The following CACNA1B variants were observed in gnomAD, a reference collection of about 807,000 sequenced individuals.
CACNA1B encodes calcium voltage-gated channel subunit alpha1 B, also known as voltage-dependent N-type calcium channel subunit alpha-1B.
A neutral mutation model predicts 247.2 loss-of-function variants in CACNA1B; 70 were observed. That is an observed-to-expected ratio of 0.28 (90% CI 0.23 to 0.35). The LOEUF is 0.35. CACNA1B is among the 10% of genes least tolerant of loss of function. The pLI is 1.00. For synonymous variants in CACNA1B, 1,231 were observed against 1,294.4 expected (o/e 0.95, Z 1.05); for missense variants, 2,367 against 3,197.4 (o/e 0.74, Z 6.26).
At position 137,939,868 on chromosome 9, in the gene CACNA1B, G is replaced by A. The variant is rs184560003; in HGVS notation, c.967-12406G>A. On this transcript the variant is annotated intron_variant, in intron 6 of 46. Coordinates refer to ENST00000371372, the MANE Select transcript of CACNA1B (RefSeq NM_000718.4). Reference sequence around the variant, plus strand: ...TAAATAAAAAAAAATAAAATTCTTCGAACTGAATGACAGTAGTGACGCAAC... The same window carrying A: ...TAAATAAAAAAAAATAAAATTCTTCAAACTGAATGACAGTAGTGACGCAAC... 3.5e-4 allele frequency among the ~76,000 whole-genome samples: 53 copies of A among 150,958 alleles called. No individual in the cohort carries two copies. The East Asian group carries it at 8.7e-3, about 25-fold the overall frequency.
chr9:138,067,791 A>G (rs1959971674), intron 31 of CACNA1B, among the ~76,000 whole-genome samples: 1 of 152,204 alleles, frequency 6.6e-6, no homozygotes, highest in Non-Finnish European at 1.5e-5. Context: ...AAAGTTGGAC[A>G]TGTGCATACA....
intron 38 of CACNA1B, among the ~76,000 whole-genome samples, chr9:138,104,473 G>A (rs1031407686): frequency 1.3e-5 from 2 of 152,236 alleles, no homozygotes; most frequent in Non-Finnish European, 1.5e-5. Context: ...CCGGGAAGCC[G>A]TTTACTCCTG....
chr9:137,968,479 G>A lies in CACNA1B; in HGVS notation c.1334-2904G>A, dbSNP rs141954422. 4.9e-4 allele frequency among the ~76,000 whole-genome samples: 74 copies of A among 152,338 alleles called. 2 individuals are homozygous for A. In the East Asian group the frequency reaches 0.013, roughly 27 times the overall value. On this transcript the variant is annotated intron_variant, in intron 10 of 46. Coordinates refer to ENST00000371372, the MANE Select transcript of CACNA1B (RefSeq NM_000718.4). ...TTCAGTTGAGGAATCTCCAGGCTGC[G>A]TGATGTGCACGAGGGCCAGGGGTGA...
intron 18 of CACNA1B, among the ~76,000 whole-genome samples, chr9:138,019,888 AGG>A (rs951629194): frequency 1.3e-5 from 2 of 152,044 alleles, no homozygotes; most frequent in Non-Finnish European, 2.9e-5. Context: ...CCCTGAGCTC[AGG>A]AGTTCGAGAC....
Position 137,956,781 on chromosome 9 carries a change from G to A in CACNA1B, c.1197G>A (p.Met399Ile). 6.2e-7 allele frequency: 1 copy of A among 1,613,794 alleles called. No homozygotes were observed. Among genetic ancestry groups the A allele is most frequent in the South Asian group, 1.1e-5 (1 of 91,086 alleles). Reference protein sequence around the residue: ...LEWIFKAEEVMLAEEDRNAEE... With the variant: ...LEWIFKAEEVILAEEDRNAEE... ...GTGTTCCCCTCGCAGAGGAAGTCAT[G>A]CTGGCCGAGGAGGACAGGAATGCAG... The change falls in exon 9 of 47, where the codon ATG (methionine) becomes ATA (isoleucine). Residue 399 changes from methionine (M) to isoleucine (I), a missense_variant. Physicochemically the swap from Met to Ile is conservative, Grantham distance 10. This residue lies in a region of CACNA1B where 219 missense variants were observed against 297.6 expected (regional missense o/e 0.74). Coordinates refer to ENST00000371372, the MANE Select transcript of CACNA1B (RefSeq NM_000718.4).
rs143104101 is a variant in CACNA1B at position 138,087,157 on chromosome 9, G to A, written c.5094+8899G>A. The stretch of plus-strand genomic sequence containing the variant: ...TCCCAGCACTTTGGGAGGCTGAAGC[G>A]GGCAGATCATTTGAGGTCAGGAGTT... On this transcript the variant is annotated intron_variant, in intron 36 of 46. Transcript: ENST00000371372. 3.7e-4 allele frequency among the ~76,000 whole-genome samples: 55 copies of A among 150,482 alleles called. 8 individuals are homozygous for A. In the East Asian group the frequency reaches 0.011, roughly 29 times the overall value.
In CACNA1B at chr9:137,937,774, C is replaced by T. The variant is rs565561586; in HGVS notation, c.967-14500C>T. Among the ~76,000 whole-genome samples, 5 of 151,700 alleles carry T rather than the reference C, an allele frequency of 3.3e-5. No homozygotes were observed. The South Asian group carries it at 6.3e-4, about 19-fold the overall frequency. ...CAGCCTGACCAACATGGAGAAACCC[C>T]GTGTCTACTAAAAATAGAAAAAATT... is the stretch of plus-strand genomic sequence containing the variant. On this transcript the variant is annotated intron_variant, in intron 6 of 46. Transcript: ENST00000371372.
chr9:138,030,424 C>G (rs1029451014), intron 20 of CACNA1B, among the ~76,000 whole-genome samples: 11 of 152,008 alleles, frequency 7.2e-5, no homozygotes, highest in African/African-American at 2.7e-4. Context: ...TGGCCTTTAT[C>G]ATTATGAATA....
chr9:138,012,509 C>T lies in CACNA1B; in HGVS notation c.2161-620C>T, dbSNP rs148024015. On this transcript the variant is annotated intron_variant, in intron 17 of 46. Transcript: ENST00000371372. The surrounding 1 kb of genome is among the most constrained non-coding windows in gnomAD (Gnocchi z 4.2). ...CTGTACTCCCAGCACTTTGGGAGGC[C>T]GAGGTGGGAGGATCACTTGAGCCTA... 7.8e-4 allele frequency among the ~76,000 whole-genome samples: 118 copies of T among 151,782 alleles called. No individual in the cohort carries two copies. The highest frequency in any genetic ancestry group is 2.4e-3 in the African/African-American group (100 of 41,404).
rs557974779 is a variant in CACNA1B, at chr9:138,101,440, T to C, written c.5223-1271T>C. ...AGCTTTCTGGTTGGGATCAGCTAGC[T>C]GGGTGGGAGATGGGGGCTAGGTCCC... On this transcript the variant is annotated intron_variant, in intron 37 of 46. Transcript: ENST00000371372. 1.5e-3 allele frequency among the ~76,000 whole-genome samples: 226 copies of C among 152,314 alleles called. 1 individual carries two copies. Among genetic ancestry groups the C allele is most frequent in the Admixed American group, 3.1e-3 (48 of 15,312 alleles).
At chr9:137,884,722 A>C (rs1349850163) in intron 3 of CACNA1B, among the ~76,000 whole-genome samples, 2 of 151,950 alleles carry the variant, frequency 1.3e-5, no homozygotes, top group Non-Finnish European at 2.9e-5. Context: ...AGGTGGCAGC[A>C]CCCGGCCTCA....
intron 21 of CACNA1B, among the ~76,000 whole-genome samples, chr9:138,045,625 G>A (rs1959175906): frequency 6.6e-6 from 1 of 152,188 alleles, no homozygotes. Context: ...CAAAGCCTGG[G>A]GTGGCTGGGG....
chr9:137,883,029 A>C, intron 3 of CACNA1B, 146 bp downstream of exon 3: 1 of 838,424 alleles, frequency 1.2e-6, no homozygotes, highest in Non-Finnish European at 1.9e-6. Flanking sequence ...AATGTGAGAC[A>C]GTCTGTTTGC....
intron 20 of CACNA1B, 37 bp from the exon 21 acceptor site, chr9:138,043,737 A>G (rs755291716): frequency 1.2e-6 from 2 of 1,613,170 alleles, no homozygotes; most frequent in South Asian, 1.1e-5. Flanking sequence ...CTTCATGTGC[A>G]CTACACCCCT....
chr9:138,052,136 T>C lies in CACNA1B; in HGVS notation c.3755T>C (p.Val1252Ala), dbSNP rs202185152. ...KDINTIKSLR[V>A]LRVLRPLKTI... is the part of the protein sequence containing the mutation. ...ATCAATACCATCAAGTCTCTGAGAG[T>C]CCTTCGTGTCCTGCGGCCCCTCAAG... Residue 1252 changes from valine to alanine, a missense_variant, in exon 25 of 47, where the codon GTC (valine) becomes GCC (alanine). Around this residue, in one of 12 missense-constraint regions of CACNA1B, gnomAD observed 436 missense variants for 679.5 expected, o/e 0.64. Transcript: ENST00000371372. The surrounding 1 kb of genome is among the most constrained non-coding windows in gnomAD (Gnocchi z 5.1). 7 of 1,612,466 alleles carry C rather than the reference T, an allele frequency of 4.3e-6. No individual in the cohort carries two copies. Among genetic ancestry groups the C allele is most frequent in the Non-Finnish European group, 5.9e-6 (7 of 1,179,028 alleles).
Position 137,954,883 on chromosome 9 carries a change from AGAGAGAGAGAGAGAGAGAGGGG to A in CACNA1B, c.1071-796_1071-775del, listed in dbSNP as rs1589030555. ...GTGTGTGTGTGTGTGTGTGTGTGAG[AGAGAGAGAGAGAGAGAGAGGGG>A]GAGAGAGAGAGAGAGAGAATGGCTT... On this transcript the variant is annotated intron_variant, in intron 7 of 46. Transcript: ENST00000371372. This position sits in a 1 kb window ranked among gnomAD's most constrained non-coding sequence, Gnocchi z 4.1. Among the ~76,000 whole-genome samples the A allele has an allele frequency of 1.1e-5, 1 of 89,766 alleles. No homozygotes were observed. The highest frequency in any genetic ancestry group is 8.6e-4 in the East Asian group (1 of 1,168). The allele number at this position is 89,766 out of a possible 152,430, so 58.9% of individuals were successfully genotyped here.
intron 10 of CACNA1B, among the ~76,000 whole-genome samples, chr9:137,970,991 G>C (rs987334280): frequency 3.9e-5 from 6 of 152,230 alleles, no homozygotes; most frequent in African/African-American, 1.4e-4. Flanking sequence ...GCAGGGCTCT[G>C]TGGGCTATGC....
intron 31 of CACNA1B, among the ~76,000 whole-genome samples, chr9:138,065,160 C>T (rs967903298): frequency 6.6e-6 from 1 of 152,176 alleles, no homozygotes; most frequent in African/African-American, 2.4e-5. Flanking sequence ...GAAAGCTCCC[C>T]TACATTAAAA....
intron 39 of CACNA1B, among the ~76,000 whole-genome samples, chr9:138,112,138 T>C (rs1377881210): frequency 6.6e-6 from 1 of 152,096 alleles, no homozygotes; most frequent in Non-Finnish European, 1.5e-5. Flanking sequence ...TGCACACACG[T>C]CGGACACACA....
Sources: allele counts gnomAD v4.1 joint callset (sites outside exome capture counted in the v4.1 genomes callset), GRCh38; gene constraint gnomAD v4.1.1; regional missense constraint gnomAD v4.1.1; non-coding constraint Gnocchi (gnomAD v3.1); transcripts MANE v1.5; gene names NCBI Gene and HGNC (gene_info 2026-07-23, HGNC 2026-07-21).